Variants in ZNF292 observed in about 807,000 individuals in gnomAD.
The protein encoded by ZNF292 is 16 zinc-finger domain protein.
In ZNF292, 26 loss-of-function variants were observed where a neutral mutation model predicts 217.9. The ratio of observed to expected loss-of-function variants is 0.12; its 90% CI spans 0.09 to 0.17. ZNF292 has a LOEUF of 0.17. ZNF292 is among the 10% of genes least tolerant of loss of function. ZNF292 has a pLI of 1.00. For synonymous variants in ZNF292, 1,257 were observed against 1,124.1 expected, an observed-to-expected ratio of 1.12 and a Z score of -2.37; for missense variants, 2,904 against 3,175.2, an observed-to-expected ratio of 0.91 and a Z score of 2.05.
Position 87,256,131 on chromosome 6 carries a change from T to C in ZNF292, c.2502T>C (p.Pro834=), listed in dbSNP as rs1775196078. The C allele has an allele frequency of 3.7e-6, 6 of 1,613,720 alleles. No individual in the cohort carries two copies. Among genetic ancestry groups the C allele is most frequent in the Non-Finnish European group, 5.1e-6 (6 of 1,179,790 alleles). Residue 834 remains proline (P), a synonymous_variant, in exon 8 of 8, where the codon CCT becomes CCC. Coordinates refer to ENST00000369577, the MANE Select transcript of ZNF292 (RefSeq NM_015021.3). The stretch of plus-strand genomic sequence containing the variant: ...AGCATCTGGATGATCACAGTACTCC[T>C]CCTGAAAAAGTGCTGCCTCCTGAAG... ...LEKHLDDHST[P]PEKVLPPEAQ...
At chr6:87,202,810 T>A (rs1772133770) in intron 1 of ZNF292, among the ~76,000 whole-genome samples, 1 of 151,782 alleles carries the variant, frequency 6.6e-6, no homozygotes, top group Non-Finnish European at 1.5e-5. Flanking sequence ...TTACATACAG[T>A]AAGGGGGGAG....
At chr6:87,188,363 A>G (rs1166346578) in intron 1 of ZNF292, among the ~76,000 whole-genome samples, 1 of 152,196 alleles carries the variant, frequency 6.6e-6, no homozygotes, top group Non-Finnish European at 1.5e-5. Context: ...CGCTAAGGTA[A>G]AGATACCCAA....
intron 1 of ZNF292, among the ~76,000 whole-genome samples, chr6:87,178,181 A>G (rs1447375433): frequency 2.0e-5 from 3 of 151,152 alleles, no homozygotes; most frequent in African/African-American, 7.3e-5. Flanking sequence ...CTTTTTATTG[A>G]ACTGTGTATG....
In ZNF292 at chr6:87,261,967, T is replaced by A. The variant is rs1775628950; in HGVS notation, c.*166T>A. 2 of 472,014 alleles carry A rather than the reference T, an allele frequency of 4.2e-6. No individual in the cohort carries two copies. The highest frequency in any genetic ancestry group is 7.1e-6 in the Non-Finnish European group (2 of 281,672). The allele number at this position is 472,014 out of a possible 1,614,324, so 29.2% of individuals were successfully genotyped here. ...AAACATGACATTTGTCATGTAAAAC[T>A]TTTTTTTATCCCTATGGGACTTGAG... is the stretch of plus-strand genomic sequence containing the variant. On this transcript the variant is annotated 3_prime_UTR_variant, in exon 8 of 8. Transcript: ENST00000369577.
At chr6:87,217,719 C>T (rs1258494778) in intron 3 of ZNF292, among the ~76,000 whole-genome samples, 2 of 152,102 alleles carry the variant, frequency 1.3e-5, no homozygotes, top group East Asian at 1.9e-4. Flanking sequence ...TTAAAGAAAA[C>T]TTAGTAAAGC....
In ZNF292 at chr6:87,257,059, A is replaced by G; in HGVS notation, c.3430A>G (p.Asn1144Asp). ...AAGTAAAAAAGGTCAGAAAGCTAAC[A>G]ACTTAAATACACCAAATAATGGAAA... Reference protein sequence around the residue: ...RKSKKGQKANNLNTPNNGKFV... With the variant: ...RKSKKGQKANDLNTPNNGKFV... Residue 1144 changes from asparagine to aspartate, a missense_variant, in exon 8 of 8, where the codon AAC becomes GAC. Physicochemically the swap from Asn to Asp is conservative, Grantham distance 23. Around this residue, in one of 15 missense-constraint regions of ZNF292, gnomAD observed 687 missense variants for 623.0 expected, o/e 1.10. Coordinates refer to ENST00000369577, the MANE Select transcript of ZNF292 (RefSeq NM_015021.3). The G allele has an allele frequency of 1.2e-6, 2 of 1,613,900 alleles. No individual in the cohort carries two copies. Among genetic ancestry groups the G allele is most frequent in the East Asian group, 4.5e-5 (2 of 44,886 alleles).
chr6:87,225,071 G>A (rs1393037173), intron 4 of ZNF292, among the ~76,000 whole-genome samples: 1 of 152,154 alleles, frequency 6.6e-6, no homozygotes, highest in Non-Finnish European at 1.5e-5. Flanking sequence ...GGCATGTAGT[G>A]ATATCACATT....
chr6:87,239,645 G>A (rs1160472840), intron 5 of ZNF292, among the ~76,000 whole-genome samples: 7 of 129,856 alleles, frequency 5.4e-5, no homozygotes, highest in Non-Finnish European at 1.1e-4. Flanking sequence ...GGCGGCTGCC[G>A]GGCGGAGGGG....
At chr6:87,210,984 T>C (rs1772457118) in intron 1 of ZNF292, among the ~76,000 whole-genome samples, 1 of 152,176 alleles carries the variant, frequency 6.6e-6, no homozygotes, top group South Asian at 2.1e-4. Flanking sequence ...CTTCTAAATA[T>C]TAGAAACTAA....
In ZNF292 at chr6:87,260,703, T is replaced by C; in HGVS notation, c.7074T>C (p.Ser2358=). The change falls in exon 8 of 8, where the codon TCT becomes TCC. Residue 2358 remains serine (S), a synonymous_variant. Coordinates refer to ENST00000369577, the MANE Select transcript of ZNF292 (RefSeq NM_015021.3). Reference sequence around the variant, plus strand: ...AGATTGAAGAAAATAAGCCTTATTCTCTGAAACGTGGGAAGCATGTATATT... The same window carrying C: ...AGATTGAAGAAAATAAGCCTTATTCCCTGAAACGTGGGAAGCATGTATATT... ...IVQIEENKPY[S]LKRGKHVYSI... is the part of the protein sequence containing the mutation. 6.2e-7 allele frequency: 1 copy of C among 1,613,214 alleles called. No individual in the cohort carries two copies. The highest frequency in any genetic ancestry group is 1.1e-5 in the South Asian group (1 of 90,960).
At chr6:87,241,203 G>C (rs567848504) in intron 5 of ZNF292, among the ~76,000 whole-genome samples, 1 of 152,112 alleles carries the variant, frequency 6.6e-6, no homozygotes. Flanking sequence ...AGAGTCGCTT[G>C]AACCTGGGAG....
chr6:87,208,669 T>C (rs1272096865), intron 1 of ZNF292, among the ~76,000 whole-genome samples: 3 of 152,120 alleles, frequency 2.0e-5, no homozygotes, highest in Non-Finnish European at 4.4e-5. Context: ...GGTCTTTAAA[T>C]ACCATATTTA....
intron 4 of ZNF292, chr6:87,223,525 T>A (rs911795924): frequency 6.6e-6 from 1 of 152,220 alleles, no homozygotes; most frequent in African/African-American, 2.4e-5. Context: ...CATCTTCAAG[T>A]GGGAAGTTAT....
chr6:87,178,506 A>G (rs1345441123), intron 1 of ZNF292, among the ~76,000 whole-genome samples: 1 of 152,230 alleles, frequency 6.6e-6, no homozygotes, highest in Non-Finnish European at 1.5e-5. Context: ...TGAGTGTATA[A>G]TAAGTAGTAG....
intron 7 of ZNF292, among the ~76,000 whole-genome samples, chr6:87,252,402 C>T (rs1774966332): frequency 6.6e-6 from 1 of 152,168 alleles, no homozygotes; most frequent in Non-Finnish European, 1.5e-5. Flanking sequence ...ATCCACCTGC[C>T]TCAGCCTCCC....
At chr6:87,172,930 A>C (rs914563394) in intron 1 of ZNF292, among the ~76,000 whole-genome samples, 1 of 152,000 alleles carries the variant, frequency 6.6e-6, no homozygotes, top group Non-Finnish European at 1.5e-5. Flanking sequence ...TTTTTAATTA[A>C]AAAATGAAAT....
Position 87,255,061 on chromosome 6 carries a change from G to A in ZNF292, c.1432G>A (p.Val478Ile), listed in dbSNP as rs1386411892. The change falls in exon 8 of 8, where the codon GTA becomes ATA. Residue 478 changes from valine (V) to isoleucine (I), a missense_variant. Physicochemically the swap from Val to Ile is conservative, Grantham distance 29. Coordinates refer to ENST00000369577, the MANE Select transcript of ZNF292 (RefSeq NM_015021.3). Reference protein sequence around the residue: ...SSIDELNDSEVYEKVVDYQEE... With the variant: ...SSIDELNDSEIYEKVVDYQEE... ...AATAGATGAACTAAATGACAGTGAAGTATATGAAAAAGTGGTAGACTACCA... is the reference window on the plus strand; with the variant it reads ...AATAGATGAACTAAATGACAGTGAAATATATGAAAAAGTGGTAGACTACCA... 8 of 1,613,582 alleles carry A rather than the reference G, an allele frequency of 5.0e-6. No homozygotes were observed. The highest frequency in any genetic ancestry group is 6.8e-6 in the Non-Finnish European group (8 of 1,179,860).
At position 87,256,622 on chromosome 6, in the gene ZNF292, C is replaced by T; in HGVS notation, c.2993C>T (p.Ala998Val). 6.2e-7 allele frequency: 1 copy of T among 1,613,572 alleles called. No homozygotes were observed. Among genetic ancestry groups the T allele is most frequent in the Non-Finnish European group, 8.5e-7 (1 of 1,179,816 alleles). Reference sequence around the variant, plus strand: ...AAAGAACAAGATTGCTTTAATGATGCCCATGTTACTCAGAATTCTTTAGTA... The same window carrying T: ...AAAGAACAAGATTGCTTTAATGATGTCCATGTTACTCAGAATTCTTTAGTA... ...ERKEQDCFNDAHVTQNSLVNS... is the reference protein window; with the variant it reads ...ERKEQDCFNDVHVTQNSLVNS... The change falls in exon 8 of 8, where the codon GCC becomes GTC. Residue 998 changes from alanine to valine, a missense_variant. This residue lies in a region of ZNF292 where 687 missense variants were observed against 623.0 expected (regional missense o/e 1.10). Coordinates refer to ENST00000369577, the MANE Select transcript of ZNF292 (RefSeq NM_015021.3).
chr6:87,200,989 C>T (rs1256937519), intron 1 of ZNF292, among the ~76,000 whole-genome samples: 2 of 152,068 alleles, frequency 1.3e-5, no homozygotes. Context: ...AGTGTCTCAA[C>T]CAGAACAATG....
Sources: allele counts gnomAD v4.1 joint callset (sites outside exome capture counted in the v4.1 genomes callset), GRCh38; gene constraint gnomAD v4.1.1; regional missense constraint gnomAD v4.1.1; transcripts MANE v1.5; gene names NCBI Gene and HGNC (gene_info 2026-07-23, HGNC 2026-07-21).